ACP3: variants seen among roughly 807,000 people sequenced by gnomAD.
ACP3 encodes the protein prostatic acid phosphatase.
A neutral mutation model predicts 45.6 loss-of-function variants in ACP3; 38 were observed. The observed-to-expected ratio is 0.83, with a 90% CI of 0.64 to 1.09. ACP3 has a LOEUF of 1.09. Ranked by LOEUF, ACP3 falls within the 50% of genes least tolerant of loss-of-function variation. The pLI is 0.00. For missense variants in ACP3, 466 were observed against 463.2 expected (o/e 1.01, Z -0.05); for synonymous variants, 162 against 164.7 (o/e 0.98, Z 0.13).
At chr3:132,328,433 C>G in intron 2 of ACP3, 71 bp downstream of exon 2, 1 of 1,324,574 alleles carries the variant, frequency 7.5e-7, no homozygotes, top group South Asian at 1.2e-5. Flanking sequence ...AATCCCAGCA[C>G]TTTGGGAGGC....
chr3:132,342,941 T>C (rs915677563), intron 6 of ACP3, among the ~76,000 whole-genome samples: 1 of 152,204 alleles, frequency 6.6e-6, no homozygotes, highest in Non-Finnish European at 1.5e-5. Context: ...GCTTATTTAT[T>C]TTGCAGCCAC....
downstream of ACP3, among the ~76,000 whole-genome samples, chr3:132,361,115 T>C (rs2107822673): frequency 6.6e-6 from 1 of 152,340 alleles, no homozygotes; most frequent in African/African-American, 2.4e-5. Flanking sequence ...ATTTGACTTC[T>C]GTTTTCAGCA....
intron 1 of ACP3, among the ~76,000 whole-genome samples, chr3:132,321,794 C>T (rs1417103209): frequency 6.6e-6 from 1 of 152,104 alleles, no homozygotes; most frequent in Non-Finnish European, 1.5e-5. Context: ...ATAGGTAGTG[C>T]TCATTTGCCC....
At chr3:132,363,557 T>C (rs1439686624), downstream of ACP3, among the ~76,000 whole-genome samples, 2 of 152,208 alleles carry the variant, frequency 1.3e-5, no homozygotes, top group African/African-American at 4.8e-5. Flanking sequence ...GCCCTGAGTG[T>C]CATATTAAAG....
At chr3:132,341,515 T>C (rs968355584) in intron 5 of ACP3, among the ~76,000 whole-genome samples, 19 of 152,366 alleles carry the variant, frequency 1.2e-4, no homozygotes, top group Non-Finnish European at 2.4e-4. Flanking sequence ...TACTTCCTGT[T>C]ATTTTACTTA....
At chr3:132,334,594 G>A (rs775463885) in intron 4 of ACP3, among the ~76,000 whole-genome samples, 1 of 152,188 alleles carries the variant, frequency 6.6e-6, no homozygotes, top group Non-Finnish European at 1.5e-5. Context: ...AAGAGAGTGA[G>A]AACTTGAACC....
Position 132,356,871 on chromosome 3 carries a change from C to T in ACP3, c.1154C>T (p.Thr385Ile), listed in dbSNP as rs759164477. 1 of 1,612,512 alleles carries T rather than the reference C, an allele frequency of 6.2e-7. No individual in the cohort carries two copies. Among genetic ancestry groups the T allele is most frequent in the Admixed American group, 1.7e-5 (1 of 59,798 alleles). Residue 385 changes from threonine to isoleucine, a missense_variant, in exon 10 of 10, where the codon ACA (threonine) becomes ATA (isoleucine). Physicochemically the swap from Thr to Ile is moderately conservative, Grantham distance 89. Transcript: ENST00000336375. Reference protein sequence around the residue: ...TNSHQGTEDSTD With the variant: ...TNSHQGTEDSID ...AGCCATCAAGGTACTGAAGACAGTA[C>T]AGATTAGTGTGCACAGAGATCTCTG...
chr3:132,330,499 T>C (rs1250500379), intron 2 of ACP3, among the ~76,000 whole-genome samples: 1 of 152,164 alleles, frequency 6.6e-6, no homozygotes, highest in Non-Finnish European at 1.5e-5. Context: ...CTCCAGGTGA[T>C]TCTGTGCATG....
At chr3:132,345,930 A>C (rs1472724090) in intron 7 of ACP3, among the ~76,000 whole-genome samples, 4 of 152,222 alleles carry the variant, frequency 2.6e-5, no homozygotes, top group Admixed American at 6.5e-5. Flanking sequence ...AAAACTAGGG[A>C]TAAAGAAGAA....
intron 8 of ACP3, among the ~76,000 whole-genome samples, chr3:132,351,848 A>G (rs1937748104): frequency 6.6e-6 from 1 of 152,192 alleles, no homozygotes; most frequent in Non-Finnish European, 1.5e-5. Flanking sequence ...AAGATTAGAT[A>G]GCTAATCAGT....
At chr3:132,321,304 C>A (rs1317638818) in intron 1 of ACP3, among the ~76,000 whole-genome samples, 9 of 150,840 alleles carry the variant, frequency 6.0e-5, no homozygotes, top group Non-Finnish European at 1.3e-4. Context: ...CATAGTAAGA[C>A]CTCATCTCTG....
chr3:132,327,503 G>GC (rs1339411693), intron 1 of ACP3, among the ~76,000 whole-genome samples: 2 of 147,016 alleles, frequency 1.4e-5, no homozygotes, highest in Admixed American at 1.4e-4. Context: ...GACAGAGCAA[G>GC]ACTCAGTCTC....
intron 5 of ACP3, among the ~76,000 whole-genome samples, chr3:132,338,065 G>T (rs995771860): frequency 6.6e-6 from 1 of 152,100 alleles, no homozygotes; most frequent in Non-Finnish European, 1.5e-5. Flanking sequence ...TACAGTGGAA[G>T]CCTCCATGAC....
intron 3 of ACP3, 98 bp downstream of exon 3, chr3:132,331,831 T>C (rs948287317): frequency 6.3e-6 from 7 of 1,105,278 alleles, no homozygotes; most frequent in South Asian, 4.4e-5. Context: ...AAGGAACTTA[T>C]ACAAGTCAGA....
Position 132,347,693 on chromosome 3 carries a change from A to T in ACP3, c.782-2227A>T, listed in dbSNP as rs549322704. Among the ~76,000 whole-genome samples, 9 of 152,216 alleles carry T rather than the reference A, an allele frequency of 5.9e-5. No homozygotes were observed. The South Asian group carries it at 1.9e-3, about 32-fold the overall frequency. ...AAGACAGGGTCTCCTTATGTTGCCC[A>T]GGCTAGTCTTGAACTCCTGGGCTCA... On this transcript the variant is annotated intron_variant, in intron 7 of 9. Transcript: ENST00000336375.
downstream of ACP3, among the ~76,000 whole-genome samples, chr3:132,359,412 G>A (rs562474488): frequency 2.6e-5 from 4 of 152,276 alleles, 1 homozygote; most frequent in African/African-American, 7.2e-5. Flanking sequence ...GGAGGCTGAG[G>A]CAGGAGAATG....
At chr3:132,346,661 A>T (rs1937612176) in intron 7 of ACP3, among the ~76,000 whole-genome samples, 1 of 152,332 alleles carries the variant, frequency 6.6e-6, no homozygotes, top group South Asian at 2.1e-4. Flanking sequence ...GTGCCTTGGA[A>T]GCCACATAAG....
At chr3:132,337,299 T>C (rs1043682243) in intron 4 of ACP3, 157 bp from the exon 5 acceptor site, 17 of 507,348 alleles carry the variant, frequency 3.4e-5, no homozygotes, top group Non-Finnish European at 5.0e-5. Context: ...CATTTGATTC[T>C]TTCTCCCCAA....
chr3:132,320,398 C>T (rs1055471942), intron 1 of ACP3, among the ~76,000 whole-genome samples: 11 of 152,172 alleles, frequency 7.2e-5, no homozygotes, highest in Non-Finnish European at 1.6e-4. Flanking sequence ...ATTTCCCACA[C>T]ACACCCACTT....
Sources: allele counts gnomAD v4.1 joint callset (sites outside exome capture counted in the v4.1 genomes callset), GRCh38; gene constraint gnomAD v4.1.1; transcripts MANE v1.5; gene names NCBI Gene and HGNC (gene_info 2026-07-23, HGNC 2026-07-21).